Variants in SLC71A1 observed in about 807,000 individuals in gnomAD.
SLC71A1 encodes the protein solute carrier family 71 member 1, also known as hippocampus abundant gene transcript 1.
At chr1:100,062,007 T>C in the SLC71A1 span, 5 of 1,007,340 alleles carry the variant, frequency 5.0e-6, no homozygotes, top group African/African-American at 1.6e-5. Context: ...GTTTTTAAGA[T>C]AAATATTATT....
the SLC71A1 span, among the ~76,000 whole-genome samples, chr1:100,045,368 T>C: frequency 6.6e-6 from 1 of 152,336 alleles, no homozygotes; most frequent in East Asian, 1.9e-4. Context: ...CTTTACTGAA[T>C]CGTTTATCAG....
At chr1:100,038,733 A>C in the SLC71A1 span, among the ~76,000 whole-genome samples, 1 of 152,204 alleles carries the variant, frequency 6.6e-6, no homozygotes, top group Non-Finnish European at 1.5e-5. Context: ...AGGGGCTGGG[A>C]ACCATCCCTG....
the SLC71A1 span, chr1:100,080,680 T>C: frequency 6.2e-7 from 1 of 1,603,982 alleles, no homozygotes; most frequent in Non-Finnish European, 8.5e-7. Flanking sequence ...TTCAACATGA[T>C]CAAATTGTAT....
At chr1:100,039,728 A>T in the SLC71A1 span, among the ~76,000 whole-genome samples, 1 of 152,234 alleles carries the variant, frequency 6.6e-6, no homozygotes, top group African/African-American at 2.4e-5. Context: ...AAATCTACAA[A>T]ATAGTGGCAA....
the SLC71A1 span, among the ~76,000 whole-genome samples, chr1:100,065,493 C>T: frequency 4.1e-5 from 6 of 146,012 alleles, no homozygotes; most frequent in African/African-American, 1.5e-4. Flanking sequence ...TCCCCCTCCC[C>T]TCCCCTCCCC....
At chr1:100,062,947 AAG>A in the SLC71A1 span, among the ~76,000 whole-genome samples, 328 of 151,914 alleles carry the variant, frequency 2.2e-3, 4 homozygotes, top group African/African-American at 7.7e-3. Context: ...TGAAAAGAAA[AAG>A]AACTAATGAT....
the SLC71A1 span, among the ~76,000 whole-genome samples, chr1:100,059,194 C>T: frequency 8.1e-6 from 1 of 123,908 alleles, no homozygotes; most frequent in Non-Finnish European, 1.6e-5. Context: ...TGCACTGTCA[C>T]CCAGGCTGGA....
the SLC71A1 span, among the ~76,000 whole-genome samples, chr1:100,074,257 A>G: frequency 3.3e-5 from 5 of 152,122 alleles, no homozygotes; most frequent in Non-Finnish European, 7.4e-5. Flanking sequence ...TCCAATTTTA[A>G]TGACTCATCT....
chr1:100,038,326 G>C, the SLC71A1 span: 12 of 1,552,594 alleles, frequency 7.7e-6, no homozygotes, highest in East Asian at 2.7e-4. Flanking sequence ...GGTGAGCTGA[G>C]TTCCGCGCCG....
chr1:100,083,162 A>G, the SLC71A1 span: 2 of 152,490 alleles, frequency 1.3e-5, no homozygotes, highest in South Asian at 2.1e-4. Context: ...TCTAAAGTGT[A>G]TATTTTTGTG....
the SLC71A1 span, chr1:100,068,688 A>G: frequency 9.3e-6 from 7 of 749,488 alleles, no homozygotes; most frequent in African/African-American, 8.9e-5. Flanking sequence ...GCCTTTAAAA[A>G]TGAATATCAT....
chr1:100,081,062 A>G, the SLC71A1 span, among the ~76,000 whole-genome samples: 1 of 152,224 alleles, frequency 6.6e-6, no homozygotes, highest in Non-Finnish European at 1.5e-5. Context: ...ATGCCAAACA[A>G]TGCTGATCAT....
the SLC71A1 span, among the ~76,000 whole-genome samples, chr1:100,052,672 C>T: frequency 2.0e-5 from 3 of 151,834 alleles, no homozygotes; most frequent in Admixed American, 6.6e-5. Flanking sequence ...CCTCGTGATC[C>T]GCCCGCCTTG....
the SLC71A1 span, chr1:100,082,163 C>T: frequency 4.3e-6 from 7 of 1,614,066 alleles, no homozygotes; most frequent in Non-Finnish European, 5.9e-6. Flanking sequence ...AATACACAAG[C>T]GCCAGGAGAG....
the SLC71A1 span, among the ~76,000 whole-genome samples, chr1:100,053,472 ATAATT>A: frequency 6.6e-6 from 1 of 152,248 alleles, no homozygotes; most frequent in Admixed American, 6.5e-5. Flanking sequence ...GGATGAAGAC[ATAATT>A]TAATTTATAT....
the SLC71A1 span, among the ~76,000 whole-genome samples, chr1:100,048,282 G>A: frequency 3.3e-5 from 5 of 152,038 alleles, no homozygotes; most frequent in South Asian, 2.1e-4. Context: ...AGGTTCAAGC[G>A]ATTCTCCTGC....
the SLC71A1 span, among the ~76,000 whole-genome samples, chr1:100,071,541 A>G: frequency 2.0e-5 from 3 of 152,130 alleles, no homozygotes; most frequent in Non-Finnish European, 4.4e-5. Context: ...GATTAACCCA[A>G]CCTTGCAATA....
chr1:100,057,404 G>T, the SLC71A1 span, among the ~76,000 whole-genome samples: 12 of 149,786 alleles, frequency 8.0e-5, no homozygotes, highest in Non-Finnish European at 1.5e-5. Context: ...GCTGAGGATG[G>T]AGTGTGGTGG....
chr1:100,052,426 T>A, the SLC71A1 span, among the ~76,000 whole-genome samples: 1 of 99,514 alleles, frequency 1.0e-5, no homozygotes, highest in Non-Finnish European at 1.9e-5. Context: ...ATATATTCCT[T>A]TTTTTTTTTT....
Sources: gnomAD v4.1 joint callset for allele counts (sites outside exome capture counted in the v4.1 genomes callset) on GRCh38, gnomAD v4.1.1 for gene constraint, MANE v1.5 for transcripts, NCBI Gene and HGNC (gene_info 2026-07-23, HGNC 2026-07-21) for gene names.